The following ESYT1 variants were observed in gnomAD, a reference collection of about 807,000 sequenced individuals.
ESYT1 encodes extended synaptotagmin 1, also known as extended synaptotagmin-1.
ESYT1 carries 116 observed loss-of-function variants against 154.2 expected under a neutral mutation model. The ratio of observed to expected loss-of-function variants is 0.75; its 90% CI spans 0.65 to 0.88. The LOEUF is 0.88. Ranked by LOEUF, ESYT1 falls within the 40% of genes least tolerant of loss-of-function variation. The probability of loss-of-function intolerance (pLI) is 0.00; values close to 1 mark genes in which losing one functional copy is unlikely to be tolerated. For missense variants in ESYT1, 1,264 were observed against 1,379.3 expected (o/e 0.92, Z 1.32); for synonymous variants, 500 against 539.9 (o/e 0.93, Z 1.02).
intron 1 of ESYT1, among the ~76,000 whole-genome samples, chr12:56,130,016 C>A (rs1236690467): frequency 1.3e-5 from 2 of 152,046 alleles, no homozygotes; most frequent in Non-Finnish European, 2.9e-5. Flanking sequence ...CCTCTTCAAG[C>A]GATTCTCCTG....
chr12:56,136,061 A>C (rs1206160600), intron 15 of ESYT1, among the ~76,000 whole-genome samples: 2 of 123,532 alleles, frequency 1.6e-5, no homozygotes, highest in Non-Finnish European at 3.3e-5. Context: ...CTCTGTCTCC[A>C]AAAAAAAAAA....
At position 56,138,200 on chromosome 12, in the gene ESYT1, T is replaced by C. The variant is rs1870541483; in HGVS notation, c.2265T>C (p.Asp755=). The C allele has an allele frequency of 1.2e-5, 19 of 1,614,094 alleles. No individual in the cohort carries two copies. The East Asian group carries it at 2.9e-4, about 25-fold the overall frequency. The part of the protein sequence containing the change: ...GFLDEWLTLE[D]VPSGRLHLRL... ...TTCCACAGTGGCTGACCCTGGAGGA[T>C]GTCCCATCTGGCCGCCTGCACTTGC... Residue 755 remains aspartate, a synonymous_variant, in exon 21 of 31, where the codon GAT becomes GAC. Coordinates refer to ENST00000394048, the MANE Select transcript of ESYT1 (RefSeq NM_015292.3).
At position 56,132,547 on chromosome 12, in the gene ESYT1, A is replaced by C; in HGVS notation, c.1111A>C (p.Ser371Arg). The change falls in exon 9 of 31, where the codon AGT becomes CGT. Residue 371 changes from serine (S) to arginine (R), a missense_variant. Physicochemically the swap from Ser to Arg is moderately radical, Grantham distance 110 (BLOSUM62 -1). Transcript: ENST00000394048. ...GCGTTTGGGTACCCAGACATTCTGC[A>C]GTCGTGTCATTGATGAAGAACTCAA... is the stretch of plus-strand genomic sequence containing the variant. The part of the protein sequence containing the change: ...LVRLGTQTFC[S>R]RVIDEELNPQ... 6.2e-7 allele frequency: 1 copy of C among 1,614,192 alleles called. No individual in the cohort carries two copies. Among genetic ancestry groups the C allele is most frequent in the Non-Finnish European group, 8.5e-7 (1 of 1,180,028 alleles).
In ESYT1 at chr12:56,138,426, T is replaced by C. The variant is rs772170969; in HGVS notation, c.2360T>C (p.Ile787Thr). The C allele has an allele frequency of 7.4e-6, 12 of 1,613,516 alleles. No individual in the cohort carries two copies. Among genetic ancestry groups the C allele is most frequent in the Non-Finnish European group, 7.6e-6 (9 of 1,179,906 alleles). ...LEEVLQVNSLIQTQKSAELAA... is the reference protein window; with the variant it reads ...LEEVLQVNSLTQTQKSAELAA... The stretch of plus-strand genomic sequence containing the variant: ...CAGGTGCTGCAGGTGAATAGTTTGA[T>C]CCAGACTCAGAAGAGTGCGGAGCTG... The change falls in exon 22 of 31, where the codon ATC (isoleucine) becomes ACC (threonine). Residue 787 changes from isoleucine to threonine, a missense_variant. Physicochemically the swap from Ile to Thr is moderately conservative, Grantham distance 89. Coordinates refer to ENST00000394048, the MANE Select transcript of ESYT1 (RefSeq NM_015292.3).
Position 56,133,682 on chromosome 12 carries a change from A to T in ESYT1, c.1380+8A>T. 1 of 1,614,238 alleles carries T rather than the reference A, an allele frequency of 6.2e-7. No homozygotes were observed. The highest frequency in any genetic ancestry group is 8.5e-7 in the Non-Finnish European group (1 of 1,180,040). ...GCAGAGAAACTGGAGCAGGTAAGCCACATGGGAAATAGGAAGCTGGCAGGG... is the reference window on the plus strand; with the variant it reads ...GCAGAGAAACTGGAGCAGGTAAGCCTCATGGGAAATAGGAAGCTGGCAGGG... On this transcript the variant is annotated splice_region_variant and intron_variant, in intron 12 of 30. Coordinates refer to ENST00000394048, the MANE Select transcript of ESYT1 (RefSeq NM_015292.3).
chr12:56,142,708 G>A lies in ESYT1; in HGVS notation c.2864G>A (p.Arg955Gln), dbSNP rs769974803. The change falls in exon 26 of 31, where the codon CGG (arginine) becomes CAG (glutamine). Residue 955 changes from arginine (R) to glutamine (Q), a missense_variant. Arg to Gln is a conservative substitution (Grantham distance 43, BLOSUM62 1). Transcript: ENST00000394048. This position sits in a 1 kb window ranked among gnomAD's most constrained non-coding sequence, Gnocchi z 4.1. ...ATCACCTCCTCAGCCCCAGAGCTCC[G>A]GCAGCGCCTAACACATGTTGACAGG... The part of the protein sequence containing the change: ...PHITSSAPEL[R>Q]QRLTHVDSPL... 20 of 1,613,906 alleles carry A rather than the reference G, an allele frequency of 1.2e-5. No homozygotes were observed. Among genetic ancestry groups the A allele is most frequent in the Non-Finnish European group, 1.4e-5 (17 of 1,180,036 alleles).
Position 56,132,249 on chromosome 12 carries a change from TTCC to T in ESYT1, c.904_906del (p.Leu302del). The T allele has an allele frequency of 6.2e-7, 1 of 1,614,134 alleles. No homozygotes were observed. Among genetic ancestry groups the T allele is most frequent in the East Asian group, 2.2e-5 (1 of 44,880 alleles). On this transcript the variant is annotated inframe_deletion, in exon 8 of 31. Coordinates refer to ENST00000394048, the MANE Select transcript of ESYT1 (RefSeq NM_015292.3). ...CATGATCATGGACTCCATTGCTGCC[TTCC>T]TCGTGTTGCCCAACCGATTACTGGT...
chr12:56,131,665 G>A, intron 6 of ESYT1, 84 bp from the exon 7 acceptor site: 2 of 1,604,648 alleles, frequency 1.2e-6, no homozygotes, highest in Non-Finnish European at 1.7e-6. Flanking sequence ...GAACTGACAA[G>A]AAGGCCGAGG....
chr12:56,132,364 C>T lies in ESYT1; in HGVS notation c.984+32C>T, dbSNP rs375720176. 476 of 1,614,022 alleles carry T rather than the reference C, an allele frequency of 2.9e-4. 1 individual carries two copies. Among genetic ancestry groups the T allele is most frequent in the Non-Finnish European group, 3.8e-4 (447 of 1,180,016 alleles). On this transcript the variant is annotated intron_variant, in intron 8 of 30. Transcript: ENST00000394048. The stretch of plus-strand genomic sequence containing the variant: ...CCTTTCCCCCACTAGATAGATCCTT[C>T]TCTCAGGAACCCCTTGCTGGGTCCT...
intron 16 of ESYT1, 31 bp from the exon 17 acceptor site, chr12:56,137,187 C>G (rs1394608498): frequency 1.9e-6 from 3 of 1,612,962 alleles, no homozygotes; most frequent in Non-Finnish European, 2.5e-6. Context: ...AGCTGCACTT[C>G]TTTGATTCAG....
chr12:56,130,396 TAGAG>T (rs1592243932), intron 1 of ESYT1, 182 bp from the exon 2 acceptor site: 6 of 675,730 alleles, frequency 8.9e-6, no homozygotes, highest in Admixed American at 8.8e-5. Context: ...CTCCCCTTAT[TAGAG>T]AGACATCAGC....
chr12:56,144,371 C>T lies in ESYT1; in HGVS notation c.*509C>T, dbSNP rs1170420436. On this transcript the variant is annotated 3_prime_UTR_variant, in exon 31 of 31. Transcript: ENST00000394048. ...TCAGGCCCCCATGTCCAGTTCTGTC[C>T]CCACTGTCCTCAACCCTGTCCTGAA... 3 of 1,000,388 alleles carry T rather than the reference C, an allele frequency of 3.0e-6. No individual in the cohort carries two copies. In the African/African-American group the frequency reaches 5.2e-5, roughly 17 times the overall value. 62.0% of individuals were successfully genotyped at this position (1,000,388 alleles called of 1,614,324 possible).
chr12:56,133,558 T>A, intron 11 of ESYT1, 30 bp from the exon 12 acceptor site: 1 of 1,612,960 alleles, frequency 6.2e-7, no homozygotes, highest in Non-Finnish European at 8.5e-7. Flanking sequence ...AGCAGGTATC[T>A]GATCTCTACT....
At position 56,134,410 on chromosome 12, in the gene ESYT1, C is replaced by T. The variant is rs755282355; in HGVS notation, c.1614C>T (p.Ser538=). The T allele has an allele frequency of 6.2e-7, 1 of 1,614,108 alleles. No individual in the cohort carries two copies. Among genetic ancestry groups the T allele is most frequent in the Non-Finnish European group, 8.5e-7 (1 of 1,180,006 alleles). ...AFRFFLQDPQ[S]QELDVQVKDD... ...GGTTCTTCCTACAAGACCCTCAAAG[C>T]CAGGAGCTCGATGTGCAAGTGAGAT... The change falls in exon 15 of 31, where the codon AGC becomes AGT. Residue 538 remains serine, a synonymous_variant. Transcript: ENST00000394048.
intron 13 of ESYT1, 62 bp from the exon 14 acceptor site, chr12:56,134,048 C>T (rs1443563461): frequency 6.2e-6 from 10 of 1,600,966 alleles, no homozygotes; most frequent in Non-Finnish European, 8.5e-6. Context: ...ATCCCACCTT[C>T]CTTCACCAAA....
At chr12:56,136,648 C>A in intron 15 of ESYT1, 96 bp from the exon 16 acceptor site, 12 of 1,058,952 alleles carry the variant, frequency 1.1e-5, no homozygotes, top group African/African-American at 1.6e-5. Flanking sequence ...GTGATTGGTA[C>A]AGAGAGGAAT....
chr12:56,134,258 AATGCCTGTTAC>A (rs1285990905), intron 14 of ESYT1, 73 bp from the exon 15 acceptor site: 2 of 1,597,536 alleles, frequency 1.3e-6, no homozygotes, highest in Non-Finnish European at 1.7e-6. Context: ...TCCCCTTTAG[AATGCCTGTTAC>A]ATGCAGGGGT....
At position 56,138,424 on chromosome 12, in the gene ESYT1, G is replaced by T; in HGVS notation, c.2358G>T (p.Leu786Phe). 6.2e-7 allele frequency: 1 copy of T among 1,613,588 alleles called. No individual in the cohort carries two copies. Among genetic ancestry groups the T allele is most frequent in the Non-Finnish European group, 8.5e-7 (1 of 1,179,880 alleles). Reference protein sequence around the residue: ...ELEEVLQVNSLIQTQKSAELA... With the variant: ...ELEEVLQVNSFIQTQKSAELA... ...CACAGGTGCTGCAGGTGAATAGTTTGATCCAGACTCAGAAGAGTGCGGAGC... is the reference window on the plus strand; with the variant it reads ...CACAGGTGCTGCAGGTGAATAGTTTTATCCAGACTCAGAAGAGTGCGGAGC... The change falls in exon 22 of 31, where the codon TTG becomes TTT. Residue 786 changes from leucine (L) to phenylalanine (F), a missense_variant. By Grantham distance (22) the Leu-to-Phe change is conservative. Transcript: ENST00000394048.
At chr12:56,138,874 G>T in intron 23 of ESYT1, 35 bp downstream of exon 23, 2 of 1,612,076 alleles carry the variant, frequency 1.2e-6, no homozygotes, top group Non-Finnish European at 1.7e-6. Flanking sequence ...AAATGGGAGG[G>T]ATAAGAGAAA....
Sources: gnomAD v4.1 joint callset for allele counts (sites outside exome capture counted in the v4.1 genomes callset) on GRCh38, gnomAD v4.1.1 for gene constraint, Gnocchi (gnomAD v3.1) non-coding constraint, MANE v1.5 for transcripts, NCBI Gene and HGNC (gene_info 2026-07-23, HGNC 2026-07-21) for gene names.